The following LPAR2 variants were observed in gnomAD, a reference collection of about 807,000 sequenced individuals.
LPAR2 encodes lysophosphatidic acid receptor 2, also known as G protein-coupled receptor.
In LPAR2, 10 loss-of-function variants were observed where a neutral mutation model predicts 15.6. The ratio of observed to expected loss-of-function variants is 0.64; its 90% CI spans 0.39 to 1.09. The LOEUF (loss-of-function observed/expected upper bound fraction) is 1.09, where lower values mean the gene tolerates loss of function less well. LPAR2 is among the 50% of genes least tolerant of loss of function. The probability of loss-of-function intolerance (pLI) is 0.01; values close to 1 mark genes in which losing one functional copy is unlikely to be tolerated. For synonymous variants in LPAR2, 204 were observed against 207.4 expected, an observed-to-expected ratio of 0.98 and a Z score of 0.14; for missense variants, 413 against 484.6, an observed-to-expected ratio of 0.85 and a Z score of 1.39.
rs746002167 is a variant in LPAR2, at chr19:19,624,534, C to T, written c.778G>A (p.Val260Ile). ...CAGCCTAAACCATCCAGGAGCAGTA[C>T]CACCTGGCCTGGTGTCCAGCAGACC... Residue 260 changes from valine to isoleucine, a missense_variant, in exon 3 of 3, where the codon GTA becomes ATA. Coordinates refer to ENST00000407877, the MANE Select transcript of LPAR2 (RefSeq NM_004720.7). 6.2e-7 allele frequency: 1 copy of T among 1,610,486 alleles called. No individual in the cohort carries two copies. The highest frequency in any genetic ancestry group is 1.7e-5 in the Admixed American group (1 of 59,920).
chr19:19,627,246 G>A lies in LPAR2; in HGVS notation c.39C>T (p.Ile13=), dbSNP rs772311027. Residue 13 remains isoleucine, a synonymous_variant, in exon 2 of 3, where the codon ATC becomes ATT. Coordinates refer to ENST00000407877, the MANE Select transcript of LPAR2 (RefSeq NM_004720.7). This position sits in a 1 kb window ranked among gnomAD's most constrained non-coding sequence, Gnocchi z 4.7. ...TGCCACTGTTGTTATAGAAGAAGCCGATGGTCTCGTTGTAGTAGCACTGGC... is the reference window on the plus strand; with the variant it reads ...TGCCACTGTTGTTATAGAAGAAGCCAATGGTCTCGTTGTAGTAGCACTGGC... 5 of 1,606,780 alleles carry A rather than the reference G, an allele frequency of 3.1e-6. No homozygotes were observed. Among genetic ancestry groups the A allele is most frequent in the African/African-American group, 2.7e-5 (2 of 74,944 alleles).
rs12972007 is a variant in LPAR2 at position 19,628,077 on chromosome 19, C to T, written c.-1+15G>A. On this transcript the variant is annotated intron_variant, in intron 1 of 2. Coordinates refer to ENST00000407877, the MANE Select transcript of LPAR2 (RefSeq NM_004720.7). ...AGGCCCGCACCCGCCCGCCTCCCGTCCGTGCAGGCCTCACCTGGGCCTCCA... is the reference window on the plus strand; with the variant it reads ...AGGCCCGCACCCGCCCGCCTCCCGTTCGTGCAGGCCTCACCTGGGCCTCCA... 6.6e-6 allele frequency: 1 copy of T among 152,406 alleles called. No homozygotes were observed. The highest frequency in any genetic ancestry group is 2.4e-5 in the African/African-American group (1 of 41,576). 9.4% of individuals were successfully genotyped at this position (152,406 alleles called of 1,614,324 possible). A position where few individuals can be genotyped will look rare whatever the true frequency, so the allele number is the denominator to read the frequency against.
chr19:19,626,498 T>TA lies in LPAR2; in HGVS notation c.742+44dup. ...TTGCTTCGCAGTGTCTTGTGGGAGA[T>TA]AGGGGGAAGCAGGGTCCCTGTTGCC... On this transcript the variant is annotated intron_variant, in intron 2 of 2. Coordinates refer to ENST00000407877, the MANE Select transcript of LPAR2 (RefSeq NM_004720.7). This position sits in a 1 kb window ranked among gnomAD's most constrained non-coding sequence, Gnocchi z 5.3. 1 of 1,545,108 alleles carries TA rather than the reference T, an allele frequency of 6.5e-7. No individual in the cohort carries two copies. Among genetic ancestry groups the TA allele is most frequent in the Non-Finnish European group, 8.7e-7 (1 of 1,146,194 alleles).
chr19:19,627,390 C>T lies in LPAR2; in HGVS notation c.1-106G>A, dbSNP rs548979799. ...GCAGGAAGGACAAGGGTCTCAAATT[C>T]AGATACCTCGAAGCAAAGTGGCAGT... On this transcript the variant is annotated intron_variant, in intron 1 of 2. Transcript: ENST00000407877. This position sits in a 1 kb window ranked among gnomAD's most constrained non-coding sequence, Gnocchi z 4.7. 2.9e-4 allele frequency: 348 copies of T among 1,187,024 alleles called. No homozygotes were observed. The highest frequency in any genetic ancestry group is 9.4e-4 in the Admixed American group (44 of 46,828). 73.5% of individuals were successfully genotyped at this position (1,187,024 alleles called of 1,614,324 possible). A position where few individuals can be genotyped will look rare whatever the true frequency, so the allele number is the denominator to read the frequency against.
At position 19,627,326 on chromosome 19, in the gene LPAR2, G is replaced by GCT; in HGVS notation, c.1-43_1-42insAG. 2 of 1,566,250 alleles carry GCT rather than the reference G, an allele frequency of 1.3e-6. No individual in the cohort carries two copies. Among genetic ancestry groups the GCT allele is most frequent in the Non-Finnish European group, 1.7e-6 (2 of 1,159,080 alleles). On this transcript the variant is annotated intron_variant, in intron 1 of 2. Coordinates refer to ENST00000407877, the MANE Select transcript of LPAR2 (RefSeq NM_004720.7). The surrounding 1 kb of genome is among the most constrained non-coding windows in gnomAD (Gnocchi z 4.7). ...TCAGTGCATGTGGCACTTCTTGGAA[G>GCT]GACACAGGGAGGGGCGGCAGCTGCA...
At position 19,626,457 on chromosome 19, in the gene LPAR2, T is replaced by C; in HGVS notation, c.742+86A>G. On this transcript the variant is annotated intron_variant, in intron 2 of 2. Coordinates refer to ENST00000407877, the MANE Select transcript of LPAR2 (RefSeq NM_004720.7). The surrounding 1 kb of genome is among the most constrained non-coding windows in gnomAD (Gnocchi z 5.3). The stretch of plus-strand genomic sequence containing the variant: ...TCATCCCCCATCACCCTCTATCAGG[T>C]AGCTTGTTTTGTTCATTGCTTCGCA... The C allele has an allele frequency of 6.8e-7, 1 of 1,475,036 alleles. No individual in the cohort carries two copies. The highest frequency in any genetic ancestry group is 9.1e-7 in the Non-Finnish European group (1 of 1,094,056). The allele number at this position is 1,475,036 out of a possible 1,614,324, so 91.4% of individuals were successfully genotyped here.
In LPAR2 at chr19:19,626,471, C is replaced by T. The variant is rs192976144; in HGVS notation, c.742+72G>A. Reference sequence around the variant, plus strand: ...CCTCTATCAGGTAGCTTGTTTTGTTCATTGCTTCGCAGTGTCTTGTGGGAG... The same window carrying T: ...CCTCTATCAGGTAGCTTGTTTTGTTTATTGCTTCGCAGTGTCTTGTGGGAG... On this transcript the variant is annotated intron_variant, in intron 2 of 2. Coordinates refer to ENST00000407877, the MANE Select transcript of LPAR2 (RefSeq NM_004720.7). The surrounding 1 kb of genome is among the most constrained non-coding windows in gnomAD (Gnocchi z 5.3). 6 of 1,514,342 alleles carry T rather than the reference C, an allele frequency of 4.0e-6. No individual in the cohort carries two copies. The Admixed American group carries it at 1.1e-4, about 27-fold the overall frequency. The allele number at this position is 1,514,342 out of a possible 1,614,324, so 93.8% of individuals were successfully genotyped here.
intron 2 of LPAR2, among the ~76,000 whole-genome samples, chr19:19,625,485 T>C (rs751246752): frequency 1.2e-4 from 18 of 151,758 alleles, no homozygotes; most frequent in Non-Finnish European, 2.2e-4. Flanking sequence ...AAAATAAATT[T>C]TGAAATTTAA....
chr19:19,626,547 G>T lies in LPAR2; in HGVS notation c.738C>A (p.Ile246=), dbSNP rs1168913453. The change falls in exon 2 of 3, where the codon ATC becomes ATA. Residue 246 remains isoleucine, a synonymous_variant. Coordinates refer to ENST00000407877, the MANE Select transcript of LPAR2 (RefSeq NM_004720.7). The surrounding 1 kb of genome is among the most constrained non-coding windows in gnomAD (Gnocchi z 5.3). Reference sequence around the variant, plus strand: ...CCCCCTGGGGGCCCCACTTACCCAGGATGATGACAACAGTCTTGACCAGGC... The same window carrying T: ...CCCCCTGGGGGCCCCACTTACCCAGTATGATGACAACAGTCTTGACCAGGC... The T allele has an allele frequency of 6.3e-7, 1 of 1,596,708 alleles. No individual in the cohort carries two copies. Among genetic ancestry groups the T allele is most frequent in the Admixed American group, 1.7e-5 (1 of 58,442 alleles).
rs2061753832 is a variant in LPAR2 at position 19,628,133 on chromosome 19, G to A, written c.-42C>T. The A allele has an allele frequency of 6.6e-6, 1 of 152,296 alleles. No homozygotes were observed. The highest frequency in any genetic ancestry group is 2.4e-5 in the African/African-American group (1 of 41,448). 9.4% of individuals were successfully genotyped at this position (152,296 alleles called of 1,614,324 possible). A position where few individuals can be genotyped will look rare whatever the true frequency, so the allele number is the denominator to read the frequency against. ...GCCGCAGACAAGGCGGGCTCGCGGG[G>A]GTTCGGGGCGGGCTCGAGGCCCATG... is the stretch of plus-strand genomic sequence containing the variant. On this transcript the variant is annotated 5_prime_UTR_variant, in exon 1 of 3. Coordinates refer to ENST00000407877, the MANE Select transcript of LPAR2 (RefSeq NM_004720.7).
Position 19,626,541 on chromosome 19 carries a change from AC to A in LPAR2, c.742+1del. ...CTGTTGCCCCCTGGGGGCCCCACTT[AC>A]CCAGGATGATGACAACAGTCTTGAC... On this transcript the variant is annotated splice_donor_variant, in intron 2 of 2. Coordinates refer to ENST00000407877, the MANE Select transcript of LPAR2 (RefSeq NM_004720.7). LOFTEE classifies it high-confidence loss of function. This position sits in a 1 kb window ranked among gnomAD's most constrained non-coding sequence, Gnocchi z 5.3. 6.3e-7 allele frequency: 1 copy of A among 1,591,984 alleles called. No individual in the cohort carries two copies. Among genetic ancestry groups the A allele is most frequent in the South Asian group, 1.1e-5 (1 of 88,526 alleles).
chr19:19,628,217 A>T lies in LPAR2; in HGVS notation c.-126T>A, dbSNP rs2061755047. ...CGGGTGCGCCCTGTGCGGGTTGCTG[A>T]GAGGGCGCGGGAGGCGGGGTCTCCC... On this transcript the variant is annotated 5_prime_UTR_variant, in exon 1 of 3. Coordinates refer to ENST00000407877, the MANE Select transcript of LPAR2 (RefSeq NM_004720.7). 6.6e-6 allele frequency: 1 copy of T among 151,800 alleles called. No homozygotes were observed. The highest frequency in any genetic ancestry group is 1.5e-5 in the Non-Finnish European group (1 of 67,900). 9.4% of individuals were successfully genotyped at this position (151,800 alleles called of 1,614,324 possible). A position where few individuals can be genotyped will look rare whatever the true frequency, so the allele number is the denominator to read the frequency against.
rs202223927 is a variant in LPAR2 at position 19,627,171 on chromosome 19, C to T, written c.114G>A (p.Leu38=). The change falls in exon 2 of 3, where the codon CTG becomes CTA. Residue 38 remains leucine (L), a synonymous_variant. Transcript: ENST00000407877. The surrounding 1 kb of genome is among the most constrained non-coding windows in gnomAD (Gnocchi z 4.7). The stretch of plus-strand genomic sequence containing the variant: ...GCACCAGCACGCTGACGGTCAGCCC[C>T]AGTGCCACCACGACCACATCCTTGG... The T allele has an allele frequency of 2.5e-6, 4 of 1,613,142 alleles. No individual in the cohort carries two copies. Among genetic ancestry groups the T allele is most frequent in the Non-Finnish European group, 3.4e-6 (4 of 1,179,996 alleles).
At chr19:19,624,980 T>C (rs575315987) in intron 2 of LPAR2, among the ~76,000 whole-genome samples, 138 of 151,650 alleles carry the variant, frequency 9.1e-4, no homozygotes, top group Non-Finnish European at 1.4e-3. Context: ...TGCCCGGCTA[T>C]ATTTTTTTTT....
In LPAR2 at chr19:19,626,831, C is replaced by A. The variant is rs1039655420; in HGVS notation, c.454G>T (p.Val152Leu). ...CCCAGGGCAGCCACCCACACGCCCA[C>A]AATGAGCATGACCACGCGGCCACGG... Residue 152 changes from valine (V) to leucine (L), a missense_variant, in exon 2 of 3, where the codon GTG becomes TTG. Physicochemically the swap from Val to Leu is conservative, Grantham distance 32. Transcript: ENST00000407877. The surrounding 1 kb of genome is among the most constrained non-coding windows in gnomAD (Gnocchi z 5.3). 6.3e-7 allele frequency: 1 copy of A among 1,596,464 alleles called. No individual in the cohort carries two copies. Among genetic ancestry groups the A allele is most frequent in the African/African-American group, 1.3e-5 (1 of 74,578 alleles).
At position 19,626,640 on chromosome 19, in the gene LPAR2, C is replaced by A; in HGVS notation, c.645G>T (p.Val215=). ...CTGCCATGCGCTGCACTCGCCGCCGCACGTAGAAGAAAATGCGGGTGTACA... is the reference window on the plus strand; with the variant it reads ...CTGCCATGCGCTGCACTCGCCGCCGAACGTAGAAGAAAATGCGGGTGTACA... The change falls in exon 2 of 3, where the codon GTG becomes GTT. Residue 215 remains valine, a synonymous_variant. Coordinates refer to ENST00000407877, the MANE Select transcript of LPAR2 (RefSeq NM_004720.7). The surrounding 1 kb of genome is among the most constrained non-coding windows in gnomAD (Gnocchi z 5.3). 1.2e-6 allele frequency: 2 copies of A among 1,613,364 alleles called. No individual in the cohort carries two copies. The highest frequency in any genetic ancestry group is 1.7e-6 in the Non-Finnish European group (2 of 1,180,030).
rs2061746894 is a variant in LPAR2, at chr19:19,627,221, T to C, written c.64A>G (p.Lys22Glu). ...GGCCGCCAGTGGGAGCTGAGCTCTT[T>C]GCCACTGTTGTTATAGAAGAAGCCG... Residue 22 changes from lysine to glutamate, a missense_variant, in exon 2 of 3, where the codon AAA becomes GAA. Physicochemically the swap from Lys to Glu is moderately conservative, Grantham distance 56. Transcript: ENST00000407877. This position sits in a 1 kb window ranked among gnomAD's most constrained non-coding sequence, Gnocchi z 4.7. 2 of 1,611,222 alleles carry C rather than the reference T, an allele frequency of 1.2e-6. No homozygotes were observed. The highest frequency in any genetic ancestry group is 1.7e-6 in the Non-Finnish European group (2 of 1,180,012).
rs1475946377 is a variant in LPAR2, at chr19:19,627,738, G to A, written c.-1+354C>T. The stretch of plus-strand genomic sequence containing the variant: ...GAGACCCGGGAGCGTGTGCACACAA[G>A]GGTGAGGTCACTTGCTAGAACCCTG... On this transcript the variant is annotated intron_variant, in intron 1 of 2. Transcript: ENST00000407877. This position sits in a 1 kb window ranked among gnomAD's most constrained non-coding sequence, Gnocchi z 4.7. 3 of 192,548 alleles carry A rather than the reference G, an allele frequency of 1.6e-5. No individual in the cohort carries two copies. The highest frequency in any genetic ancestry group is 5.4e-5 in the Admixed American group (1 of 18,594). The allele number at this position is 192,548 out of a possible 1,614,324, so 11.9% of individuals were successfully genotyped here.
chr19:19,625,995 T>C (rs1480658136), intron 2 of LPAR2, among the ~76,000 whole-genome samples: 1 of 150,620 alleles, frequency 6.6e-6, no homozygotes, highest in Non-Finnish European at 1.5e-5. Flanking sequence ...GCAATTCTCC[T>C]GCCTCAGGCT....
Sources: allele counts gnomAD v4.1 joint callset (sites outside exome capture counted in the v4.1 genomes callset), GRCh38; gene constraint gnomAD v4.1.1; non-coding constraint Gnocchi (gnomAD v3.1); transcripts MANE v1.5; gene names NCBI Gene and HGNC (gene_info 2026-07-23, HGNC 2026-07-21).